Variants in HTR5A observed in about 807,000 individuals in gnomAD.
The protein encoded by HTR5A is 5-hydroxytryptamine receptor 5A.
HTR5A carries 21 observed loss-of-function variants against 24.3 expected under a neutral mutation model. The observed-to-expected ratio is 0.86, with a 90% CI of 0.61 to 1.24. HTR5A has a LOEUF of 1.24. Ranked by LOEUF, HTR5A falls within the 50% of genes most tolerant of loss-of-function variation. HTR5A has a pLI of 0.00. For missense variants in HTR5A, 497 were observed against 489.5 expected (o/e 1.02, Z -0.15); for synonymous variants, 260 against 213.7 (o/e 1.22, Z -1.89).
In HTR5A at chr7:155,084,349, C is replaced by T. The variant is rs750571143; in HGVS notation, c.936C>T (p.Ser312=). 17 of 1,614,080 alleles carry T rather than the reference C, an allele frequency of 1.1e-5. No homozygotes were observed. Among genetic ancestry groups the T allele is most frequent in the African/African-American group, 2.7e-5 (2 of 74,924 alleles). ...FLTELISPLC[S]CDIPAIWKSI... The stretch of plus-strand genomic sequence containing the variant: ...CCGAGCTCATCAGTCCCCTCTGCTC[C>T]TGTGACATCCCCGCCATCTGGAAAA... The change falls in exon 2 of 2, where the codon TCC becomes TCT. Residue 312 remains serine, a synonymous_variant. Transcript: ENST00000287907.
At chr7:155,075,614 T>G (rs1795351573) in intron 1 of HTR5A, among the ~76,000 whole-genome samples, 1 of 152,210 alleles carries the variant, frequency 6.6e-6, no homozygotes, top group Non-Finnish European at 1.5e-5. Context: ...GTGTATCTGT[T>G]AGGTAGCTAT....
chr7:155,077,672 C>T (rs1585121450), intron 1 of HTR5A, among the ~76,000 whole-genome samples: 1 of 152,024 alleles, frequency 6.6e-6, no homozygotes, highest in African/African-American at 2.4e-5. Flanking sequence ...ACCATGTTGG[C>T]CAGGCTGGTC....
At chr7:155,075,812 T>C (rs1365639554) in intron 1 of HTR5A, among the ~76,000 whole-genome samples, 1 of 152,190 alleles carries the variant, frequency 6.6e-6, no homozygotes, top group Non-Finnish European at 1.5e-5. Context: ...TAATATTTTA[T>C]GTCAGCTAAT....
chr7:155,076,228 C>G (rs2150818619), intron 1 of HTR5A, among the ~76,000 whole-genome samples: 1 of 152,246 alleles, frequency 6.6e-6, no homozygotes, highest in Admixed American at 6.5e-5. Flanking sequence ...TCTGGAGGTT[C>G]CCTGGAGGAC....
rs150537072 is a variant in HTR5A, at chr7:155,071,387, C to T, written c.488C>T (p.Ala163Val). ...TRKCVSNVMI[A>V]LTWALSAVIS... ...AAGTGCGTCTCCAACGTCATGATCG[C>T]GCTCACCTGGGCACTCTCCGCTGTC... Residue 163 changes from alanine (A) to valine (V), a missense_variant, in exon 1 of 2, where the codon GCG becomes GTG. Ala to Val is a moderately conservative substitution (Grantham distance 64). Transcript: ENST00000287907. The T allele has an allele frequency of 3.1e-4, 504 of 1,614,120 alleles. No homozygotes were observed. The African/African-American group carries it at 4.8e-3, about 15-fold the overall frequency.
chr7:155,078,723 T>C (rs1370711608), intron 1 of HTR5A, among the ~76,000 whole-genome samples: 1 of 148,800 alleles, frequency 6.7e-6, no homozygotes, highest in East Asian at 2.0e-4. Context: ...CACAACTGGG[T>C]TATATAACTC....
At chr7:155,078,799 T>C (rs1224810832) in intron 1 of HTR5A, among the ~76,000 whole-genome samples, 1 of 151,500 alleles carries the variant, frequency 6.6e-6, no homozygotes, top group Non-Finnish European at 1.5e-5. Context: ...TTAGTTAATT[T>C]AACTAATTAG....
intron 1 of HTR5A, among the ~76,000 whole-genome samples, chr7:155,072,973 G>A (rs1306087174): frequency 1.3e-5 from 2 of 152,146 alleles, no homozygotes; most frequent in African/African-American, 2.4e-5. Flanking sequence ...TCTCAGCGAA[G>A]GGTAATACTG....
intron 1 of HTR5A, among the ~76,000 whole-genome samples, chr7:155,073,877 GTATATATATATGTATATATATATATATA>G (rs1365511214): frequency 5.0e-4 from 4 of 8,008 alleles, no homozygotes; most frequent in African/African-American, 6.3e-4. Flanking sequence ...ATATATATAT[GTATATATATATGTATATATATATATATA>G]TATATATATA....
chr7:155,078,043 T>C (rs990069084), intron 1 of HTR5A, among the ~76,000 whole-genome samples: 2 of 152,180 alleles, frequency 1.3e-5, no homozygotes, highest in African/African-American at 2.4e-5. Context: ...AGATTGTATA[T>C]AGTTGTCATT....
In HTR5A at chr7:155,073,853, A is replaced by ATGTG. The variant is rs1226352562; in HGVS notation, c.741+2223_741+2226dup. On this transcript the variant is annotated intron_variant, in intron 1 of 1. Transcript: ENST00000287907. ...GATACACACACACATATATATACATATGTGTGTGTGTGTATATATATATGT... is the reference window on the plus strand; with the variant it reads ...GATACACACACACATATATATACATATGTGTGTGTGTGTGTGTATATATATATGT... Among the ~76,000 whole-genome samples the ATGTG allele has an allele frequency of 2.8e-3, 235 of 83,962 alleles. 3 individuals are homozygous for ATGTG. The highest frequency in any genetic ancestry group is 8.7e-3 in the African/African-American group (209 of 23,946). 55.1% of individuals were successfully genotyped at this position (83,962 alleles called of 152,430 possible). A position where few individuals can be genotyped will look rare whatever the true frequency, so the allele number is the denominator to read the frequency against.
At chr7:155,073,877 G>GTGTATATATATATATGTGTGTA (rs1210393368) in intron 1 of HTR5A, among the ~76,000 whole-genome samples, 133 of 7,912 alleles carry the variant, frequency 0.017, no homozygotes, top group Non-Finnish European at 0.11. Flanking sequence ...ATATATATAT[G>GTGTATATATATATATGTGTGTA]TATATATATA....
intron 1 of HTR5A, among the ~76,000 whole-genome samples, chr7:155,082,482 G>T (rs1181882559): frequency 6.6e-6 from 1 of 152,206 alleles, no homozygotes; most frequent in South Asian, 2.1e-4. Flanking sequence ...AGTGTTACCA[G>T]CATCCTTTAT....
At position 155,070,707 on chromosome 7, in the gene HTR5A, C is replaced by T; in HGVS notation, c.-193C>T. On this transcript the variant is annotated 5_prime_UTR_variant, in exon 1 of 2. Transcript: ENST00000287907. ...GCCTCTGAGGGCTTCAGACCTGCCGCGCTTGCAGCCACACCATCTCCAACG... is the reference window on the plus strand; with the variant it reads ...GCCTCTGAGGGCTTCAGACCTGCCGTGCTTGCAGCCACACCATCTCCAACG... The T allele has an allele frequency of 1.6e-6, 1 of 636,392 alleles. No individual in the cohort carries two copies. Among genetic ancestry groups the T allele is most frequent in the Non-Finnish European group, 2.7e-6 (1 of 366,074 alleles). 39.4% of individuals were successfully genotyped at this position (636,392 alleles called of 1,614,324 possible).
intron 1 of HTR5A, chr7:155,074,738 T>C (rs1266387352): frequency 6.6e-6 from 1 of 152,212 alleles, no homozygotes; most frequent in Non-Finnish European, 1.5e-5. Flanking sequence ...CTCAAAATTA[T>C]AGGCTACCAA....
rs748885028 is a variant in HTR5A, at chr7:155,070,532, C to A, written c.-368C>A. On this transcript the variant is annotated 5_prime_UTR_variant, in exon 1 of 2. Transcript: ENST00000287907. ...CACCAGCCCCTCTCCTGCACCCACACGCTGCTGGCCGCCCAGCTTCTCCCC... is the reference window on the plus strand; with the variant it reads ...CACCAGCCCCTCTCCTGCACCCACAAGCTGCTGGCCGCCCAGCTTCTCCCC... 7 of 359,918 alleles carry A rather than the reference C, an allele frequency of 1.9e-5. No homozygotes were observed. The highest frequency in any genetic ancestry group is 2.7e-5 in the Non-Finnish European group (5 of 187,748). The allele number at this position is 359,918 out of a possible 1,614,324, so 22.3% of individuals were successfully genotyped here. A position where few individuals can be genotyped will look rare whatever the true frequency, so the allele number is the denominator to read the frequency against.
chr7:155,072,141 T>C (rs926924781), intron 1 of HTR5A, among the ~76,000 whole-genome samples: 3 of 152,180 alleles, frequency 2.0e-5, no homozygotes, highest in Non-Finnish European at 4.4e-5. Context: ...AGTCTATTCT[T>C]TTTCTTTGCA....
At chr7:155,078,603 A>G (rs1454650180) in intron 1 of HTR5A, among the ~76,000 whole-genome samples, 1 of 152,174 alleles carries the variant, frequency 6.6e-6, no homozygotes, top group Non-Finnish European at 1.5e-5. Flanking sequence ...GTGAGCCACC[A>G]TGCCCAGATT....
chr7:155,071,414 T>A lies in HTR5A; in HGVS notation c.515T>A (p.Ile172Asn). 1 of 1,614,192 alleles carries A rather than the reference T, an allele frequency of 6.2e-7. No individual in the cohort carries two copies. The highest frequency in any genetic ancestry group is 1.1e-5 in the South Asian group (1 of 91,086). Reference protein sequence around the residue: ...IALTWALSAVISLAPLLFGWG... With the variant: ...IALTWALSAVNSLAPLLFGWG... Reference sequence around the variant, plus strand: ...CTCACCTGGGCACTCTCCGCTGTCATCTCTCTGGCCCCGCTGCTTTTTGGC... The same window carrying A: ...CTCACCTGGGCACTCTCCGCTGTCAACTCTCTGGCCCCGCTGCTTTTTGGC... The change falls in exon 1 of 2, where the codon ATC (isoleucine) becomes AAC (asparagine). Residue 172 changes from isoleucine to asparagine, a missense_variant. By Grantham distance (149) the Ile-to-Asn change is moderately radical (BLOSUM62 -3). Transcript: ENST00000287907.
Sources: allele counts gnomAD v4.1 joint callset (sites outside exome capture counted in the v4.1 genomes callset), GRCh38; gene constraint gnomAD v4.1.1; transcripts MANE v1.5; gene names NCBI Gene and HGNC (gene_info 2026-07-23, HGNC 2026-07-21).